CFAP77: variants seen among roughly 807,000 people sequenced by gnomAD.
CFAP77 encodes cilia- and flagella-associated protein 77.
CFAP77 carries 25 observed loss-of-function variants against 31.1 expected under a neutral mutation model. The ratio of observed to expected loss-of-function variants is 0.80; its 90% CI spans 0.59 to 1.12. CFAP77 has a LOEUF of 1.12. CFAP77 is among the 50% of genes most tolerant of loss of function. The pLI is 0.00. For missense variants in CFAP77, 377 were observed against 397.3 expected, an observed-to-expected ratio of 0.95 and a Z score of 0.44; for synonymous variants, 151 against 159.9, an observed-to-expected ratio of 0.94 and a Z score of 0.42.
chr9:132,507,448 TGCTGCTGGCCCAGCCTTCTGTCTGCAGCC>T (rs1851950821), intron 3 of CFAP77, among the ~76,000 whole-genome samples: 1 of 152,176 alleles, frequency 6.6e-6, no homozygotes, highest in Non-Finnish European at 1.5e-5. Context: ...AAGCGGGAAA[TGCTGCTGGCCCAGCCTTCTGTCTGCAGCC>T]GCTGCTGGTC....
intron 1 of CFAP77, among the ~76,000 whole-genome samples, chr9:132,461,448 C>T (rs1001173338): frequency 2.0e-5 from 3 of 152,180 alleles, no homozygotes; most frequent in Non-Finnish European, 2.9e-5. Flanking sequence ...AGCGGCCTTC[C>T]TTCTGGCTCG....
At chr9:132,506,433 A>G (rs1309938147) in intron 3 of CFAP77, among the ~76,000 whole-genome samples, 2 of 151,984 alleles carry the variant, frequency 1.3e-5, no homozygotes, top group East Asian at 1.9e-4. Context: ...GTCGATTATG[A>G]TGAGTCAGGG....
chr9:132,461,343 GTCTC>G (rs1460939205), intron 1 of CFAP77, among the ~76,000 whole-genome samples: 1 of 152,222 alleles, frequency 6.6e-6, no homozygotes. Flanking sequence ...GCTTTTGCAG[GTCTC>G]TCTGTCTTAC....
rs577590559 is a variant in CFAP77 at position 132,490,963 on chromosome 9, G to A, written c.196-7732G>A. Among the ~76,000 whole-genome samples the A allele has an allele frequency of 2.0e-5, 3 of 152,098 alleles. No individual in the cohort carries two copies. Among genetic ancestry groups the A allele is most frequent in the Non-Finnish European group, 4.4e-5 (3 of 68,022 alleles). The stretch of plus-strand genomic sequence containing the variant: ...CACATCCCAGAGATGTGCACATTAG[G>A]TGAACTGGTGTGTCTAATGGTCCCA... On this transcript the variant is annotated intron_variant, in intron 1 of 5. Coordinates refer to ENST00000393216, the MANE Select transcript of CFAP77 (RefSeq NM_001282957.2). This position sits in a 1 kb window ranked among gnomAD's most constrained non-coding sequence, Gnocchi z 4.6.
At chr9:132,569,275 G>A (rs913142109) in intron 5 of CFAP77, among the ~76,000 whole-genome samples, 2 of 152,014 alleles carry the variant, frequency 1.3e-5, no homozygotes, top group African/African-American at 4.8e-5. Context: ...GGGCATGGTG[G>A]CGCACAGCTG....
chr9:132,555,525 G>A (rs1037755039), intron 5 of CFAP77, among the ~76,000 whole-genome samples: 1 of 152,164 alleles, frequency 6.6e-6, no homozygotes, highest in African/African-American at 2.4e-5. Context: ...CCATGTGGCT[G>A]GATAAGCACC....
intron 5 of CFAP77, among the ~76,000 whole-genome samples, chr9:132,558,205 A>G (rs944162574): frequency 6.6e-6 from 1 of 152,258 alleles, no homozygotes; most frequent in African/African-American, 2.4e-5. Context: ...CTACATTAAG[A>G]TGATATTTAT....
intron 1 of CFAP77, among the ~76,000 whole-genome samples, chr9:132,467,038 C>T (rs1347505352): frequency 3.3e-5 from 5 of 151,966 alleles, no homozygotes; most frequent in Non-Finnish European, 7.4e-5. Context: ...ATTAGCCAGG[C>T]GTGGTGGCAT....
At chr9:132,494,849 T>C (rs949089767) in intron 1 of CFAP77, among the ~76,000 whole-genome samples, 6 of 152,242 alleles carry the variant, frequency 3.9e-5, no homozygotes, top group African/African-American at 9.6e-5. Flanking sequence ...AGTATTTTGC[T>C]CATTTTTTTC....
intron 3 of CFAP77, among the ~76,000 whole-genome samples, chr9:132,510,150 G>A (rs1039250623): frequency 3.3e-5 from 5 of 152,248 alleles, no homozygotes; most frequent in Admixed American, 6.5e-5. Flanking sequence ...GGCCAGGCCC[G>A]AACCCCATCC....
chr9:132,436,390 T>C lies in CFAP77; in HGVS notation c.195+25924T>C, dbSNP rs79519379. Among the ~76,000 whole-genome samples the C allele has an allele frequency of 3.4e-3, 512 of 152,296 alleles. 1 individual carries two copies. The highest frequency in any genetic ancestry group is 5.2e-3 in the Non-Finnish European group (352 of 68,024). ...TCAAGGATCATCCAGGATGATCTCA[T>C]CTCAAGATTCTTAATTGCATTTGCA... On this transcript the variant is annotated intron_variant, in intron 1 of 5. Transcript: ENST00000393216.
chr9:132,427,588 C>T (rs1359505239), intron 1 of CFAP77, among the ~76,000 whole-genome samples: 2 of 152,178 alleles, frequency 1.3e-5, no homozygotes, highest in African/African-American at 4.8e-5. Context: ...GCACTCCAGC[C>T]TGAGCAACAG....
intron 1 of CFAP77, among the ~76,000 whole-genome samples, chr9:132,440,413 G>A (rs1850597497): frequency 6.6e-6 from 1 of 152,068 alleles, no homozygotes; most frequent in African/African-American, 2.4e-5. Context: ...CCAAGAAATG[G>A]TTTTACAATG....
intron 1 of CFAP77, among the ~76,000 whole-genome samples, chr9:132,474,033 T>C (rs1363058114): frequency 6.6e-6 from 1 of 152,160 alleles, no homozygotes; most frequent in Non-Finnish European, 1.5e-5. Context: ...TTGCGTCCTC[T>C]CCTCACGAAC....
rs570832798 is a variant in CFAP77, at chr9:132,533,620, G to A, written c.525-3981G>A. Among the ~76,000 whole-genome samples the A allele has an allele frequency of 3.9e-5, 6 of 152,312 alleles. No homozygotes were observed. The South Asian group carries it at 1.0e-3, about 26-fold the overall frequency. On this transcript the variant is annotated intron_variant, in intron 3 of 5. Coordinates refer to ENST00000393216, the MANE Select transcript of CFAP77 (RefSeq NM_001282957.2). ...TTTGAGGCCAGGTGCAGTGGCTCACGCTTGTAATCCCAGCACTTTGGGAGG... is the reference window on the plus strand; with the variant it reads ...TTTGAGGCCAGGTGCAGTGGCTCACACTTGTAATCCCAGCACTTTGGGAGG...
intron 1 of CFAP77, among the ~76,000 whole-genome samples, chr9:132,483,766 GCA>G (rs1589878203): frequency 6.6e-6 from 1 of 152,096 alleles, no homozygotes; most frequent in African/African-American, 2.4e-5. Context: ...TCAGAAGAGA[GCA>G]CAGTCTCCTC....
At position 132,482,569 on chromosome 9, in the gene CFAP77, G is replaced by A. The variant is rs906373372; in HGVS notation, c.196-16126G>A. 62 of 665,874 alleles carry A rather than the reference G, an allele frequency of 9.3e-5. No homozygotes were observed. In the Middle Eastern group the frequency reaches 1.2e-3, roughly 12 times the overall value. 41.2% of individuals were successfully genotyped at this position (665,874 alleles called of 1,614,324 possible). A position where few individuals can be genotyped will look rare whatever the true frequency, so the allele number is the denominator to read the frequency against. On this transcript the variant is annotated intron_variant, in intron 1 of 5. Coordinates refer to ENST00000393216, the MANE Select transcript of CFAP77 (RefSeq NM_001282957.2). ...AAATGTTGTCATTACGCCATGGGGT[G>A]GGGACGGTTATTCCCTGTTTAATGA...
chr9:132,540,144 G>A (rs1472590300), intron 4 of CFAP77, among the ~76,000 whole-genome samples: 1 of 151,898 alleles, frequency 6.6e-6, no homozygotes, highest in African/African-American at 2.4e-5. Context: ...TGGCCAGGCT[G>A]GTCTTAAACT....
At position 132,480,626 on chromosome 9, in the gene CFAP77, C is replaced by T. The variant is rs900392620; in HGVS notation, c.196-18069C>T. Among the ~76,000 whole-genome samples, 1 of 152,228 alleles carries T rather than the reference C, an allele frequency of 6.6e-6. No homozygotes were observed. Among genetic ancestry groups the T allele is most frequent in the Non-Finnish European group, 1.5e-5 (1 of 68,042 alleles). Reference sequence around the variant, plus strand: ...ACCACCATTTGAATGATCCATTCATCTCAAAGACGTGGGTCCAGGAAGGAA... The same window carrying T: ...ACCACCATTTGAATGATCCATTCATTTCAAAGACGTGGGTCCAGGAAGGAA... On this transcript the variant is annotated intron_variant, in intron 1 of 5. Transcript: ENST00000393216. This position sits in a 1 kb window ranked among gnomAD's most constrained non-coding sequence, Gnocchi z 5.8.
Sources: allele counts gnomAD v4.1 joint callset (sites outside exome capture counted in the v4.1 genomes callset), GRCh38; gene constraint gnomAD v4.1.1; non-coding constraint Gnocchi (gnomAD v3.1); transcripts MANE v1.5; gene names NCBI Gene and HGNC (gene_info 2026-07-23, HGNC 2026-07-21).